Variants in NTSR1 observed in about 807,000 individuals in gnomAD.
The protein encoded by NTSR1 is neurotensin receptor 1.
NTSR1 carries 29 observed loss-of-function variants against 31.2 expected under a neutral mutation model. The ratio of observed to expected loss-of-function variants is 0.93; its 90% CI spans 0.69 to 1.27. NTSR1 has a LOEUF of 1.27. NTSR1 is among the 50% of genes most tolerant of loss of function. NTSR1 has a pLI of 0.00. For synonymous variants in NTSR1, 282 were observed against 269.9 expected (o/e 1.04, Z -0.44); for missense variants, 697 against 595.4 (o/e 1.17, Z -1.78).
At chr20:62,734,317 C>A (rs1276761353) in intron 1 of NTSR1, among the ~76,000 whole-genome samples, 1 of 148,724 alleles carries the variant, frequency 6.7e-6, no homozygotes, top group African/African-American at 2.5e-5. Flanking sequence ...AAAAAAAAAT[C>A]TTGGCTCAGC....
intron 1 of NTSR1, among the ~76,000 whole-genome samples, chr20:62,726,830 G>T (rs1032909505): frequency 1.6e-4 from 25 of 152,162 alleles, no homozygotes; most frequent in African/African-American, 5.8e-4. Context: ...CGCGTTAGTG[G>T]AGAAGGCTAC....
rs919967769 is a variant in NTSR1 at position 62,711,040 on chromosome 20, G to A, written c.714+1119G>A. On this transcript the variant is annotated intron_variant, in intron 1 of 3. Coordinates refer to ENST00000370501, the MANE Select transcript of NTSR1 (RefSeq NM_002531.3). This position sits in a 1 kb window ranked among gnomAD's most constrained non-coding sequence, Gnocchi z 6.4. Reference sequence around the variant, plus strand: ...TTGCCTGGGCACCCCGCGTATGCCAGTATGCCCGGTGGGGGTGAGGGCAGC... The same window carrying A: ...TTGCCTGGGCACCCCGCGTATGCCAATATGCCCGGTGGGGGTGAGGGCAGC... Among the ~76,000 whole-genome samples, 7 of 152,200 alleles carry A rather than the reference G, an allele frequency of 4.6e-5. No individual in the cohort carries two copies. Among genetic ancestry groups the A allele is most frequent in the African/African-American group, 1.4e-4 (6 of 41,458 alleles).
At chr20:62,728,731 AG>A (rs1988953477) in intron 1 of NTSR1, among the ~76,000 whole-genome samples, 1 of 152,162 alleles carries the variant, frequency 6.6e-6, no homozygotes, top group Admixed American at 6.5e-5. Flanking sequence ...CCGGAGGCCA[AG>A]CAGGTTTCAC....
chr20:62,714,625 CT>C lies in NTSR1; in HGVS notation c.714+4705del, dbSNP rs549261872. Among the ~76,000 whole-genome samples, 3 of 152,290 alleles carry C rather than the reference CT, an allele frequency of 2.0e-5. No individual in the cohort carries two copies. Among genetic ancestry groups the C allele is most frequent in the African/African-American group, 7.2e-5 (3 of 41,546 alleles). ...ATTGAATCTGAATCTCATGGAGCCC[CT>C]GATCCAACACACAGGACACACCAGG... On this transcript the variant is annotated intron_variant, in intron 1 of 3. Transcript: ENST00000370501. This position sits in a 1 kb window ranked among gnomAD's most constrained non-coding sequence, Gnocchi z 4.1.
chr20:62,734,454 A>G (rs1056298816), intron 1 of NTSR1, among the ~76,000 whole-genome samples: 1 of 152,196 alleles, frequency 6.6e-6, no homozygotes, highest in African/African-American at 2.4e-5. Context: ...GGTGGTTGAA[A>G]ATGAGTAACT....
chr20:62,712,510 C>T (rs1988635932), intron 1 of NTSR1, among the ~76,000 whole-genome samples: 1 of 152,214 alleles, frequency 6.6e-6, no homozygotes, highest in Non-Finnish European at 1.5e-5. Flanking sequence ...TACAATAATC[C>T]TCCCTGAAGC....
At chr20:62,728,117 G>A (rs1001781972) in intron 1 of NTSR1, among the ~76,000 whole-genome samples, 1 of 148,184 alleles carries the variant, frequency 6.7e-6, no homozygotes, top group Non-Finnish European at 1.5e-5. Flanking sequence ...TTGTGGATGA[G>A]GGGTGTGGAC....
intron 1 of NTSR1, among the ~76,000 whole-genome samples, chr20:62,740,477 G>T (rs1202154635): frequency 2.0e-5 from 3 of 152,160 alleles, no homozygotes; most frequent in South Asian, 2.1e-4. Context: ...GAGGGAAAAG[G>T]GTTGTGGGGC....
At chr20:62,709,952 CCT>C (rs1468103220) in intron 1 of NTSR1, 31 bp downstream of exon 1, 1 of 1,503,832 alleles carries the variant, frequency 6.6e-7, no homozygotes, top group Admixed American at 2.0e-5. Context: ...CCGGGGCTCC[CCT>C]CTCCTTCACC....
intron 1 of NTSR1, among the ~76,000 whole-genome samples, chr20:62,740,504 G>A (rs538189972): frequency 3.8e-4 from 58 of 152,304 alleles, no homozygotes; most frequent in African/African-American, 1.3e-3. Flanking sequence ...TTAGTCATAG[G>A]GTGAGCGGGA....
At chr20:62,756,079 C>G (rs770669494) in intron 2 of NTSR1, among the ~76,000 whole-genome samples, 8 of 151,926 alleles carry the variant, frequency 5.3e-5, no homozygotes, top group Non-Finnish European at 1.0e-4. Context: ...GGCATGGAGG[C>G]AGCAGAGGCA....
intron 1 of NTSR1, among the ~76,000 whole-genome samples, chr20:62,734,723 G>A (rs1009378582): frequency 2.0e-5 from 3 of 147,784 alleles, no homozygotes; most frequent in Non-Finnish European, 2.9e-5. Context: ...AATCCGCACC[G>A]GGTTTTAGAG....
intron 1 of NTSR1, among the ~76,000 whole-genome samples, chr20:62,739,780 T>C (rs1989169344): frequency 6.6e-6 from 1 of 152,264 alleles, no homozygotes; most frequent in African/African-American, 2.4e-5. Context: ...TATGTCTGCA[T>C]GGCAGAAAAG....
chr20:62,761,710 T>G lies in NTSR1; in HGVS notation c.*1443T>G, dbSNP rs944015882. ...AGGACCCGGACACCTGGTCTTGGGC[T>G]GTGTTCAGCCACTTTGCCTTCTCTG... On this transcript the variant is annotated 3_prime_UTR_variant, in exon 4 of 4. Coordinates refer to ENST00000370501, the MANE Select transcript of NTSR1 (RefSeq NM_002531.3). 1 of 152,238 alleles carries G rather than the reference T, an allele frequency of 6.6e-6. No homozygotes were observed. The highest frequency in any genetic ancestry group is 2.4e-5 in the African/African-American group (1 of 41,460). The allele number at this position is 152,238 out of a possible 1,614,324, so 9.4% of individuals were successfully genotyped here.
chr20:62,759,087 G>C (rs1989564639), intron 3 of NTSR1, among the ~76,000 whole-genome samples: 1 of 152,204 alleles, frequency 6.6e-6, no homozygotes. Context: ...GGGCCCACTT[G>C]TGAACCCTTT....
intron 1 of NTSR1, among the ~76,000 whole-genome samples, chr20:62,713,822 G>A (rs909446307): frequency 3.9e-5 from 6 of 152,226 alleles, no homozygotes; most frequent in African/African-American, 7.2e-5. Flanking sequence ...GCAGAAGGCC[G>A]GGCGTGGTGG....
chr20:62,708,874 T>C lies in NTSR1; in HGVS notation c.-334T>C. On this transcript the variant is annotated 5_prime_UTR_variant, in exon 1 of 4. Transcript: ENST00000370501. This position sits in a 1 kb window ranked among gnomAD's most constrained non-coding sequence, Gnocchi z 5.9. ...GCGCAGCCCGAGCCGGGCTGGGCGC[T>C]GTCCTCGGGGGCCTGGGGAACCGCG... 1 of 282,074 alleles carries C rather than the reference T, an allele frequency of 3.5e-6. No homozygotes were observed. The highest frequency in any genetic ancestry group is 6.5e-5 in the East Asian group (1 of 15,448). 17.5% of individuals were successfully genotyped at this position (282,074 alleles called of 1,614,324 possible).
At chr20:62,735,807 C>A (rs1479297034) in intron 1 of NTSR1, among the ~76,000 whole-genome samples, 2 of 152,166 alleles carry the variant, frequency 1.3e-5, no homozygotes, top group Non-Finnish European at 2.9e-5. Flanking sequence ...GGGTCTTCCC[C>A]GCTGTGACCT....
Position 62,709,551 on chromosome 20 carries a change from C to T in NTSR1, c.344C>T (p.Thr115Ile), listed in dbSNP as rs766063233. 1 of 1,612,122 alleles carries T rather than the reference C, an allele frequency of 6.2e-7. No individual in the cohort carries two copies. The highest frequency in any genetic ancestry group is 1.1e-5 in the South Asian group (1 of 91,088). ...AGCCTGGCGCTGTCCGACCTGCTCA[C>T]CCTGCTGCTGGCCATGCCCGTGGAG... ...LGSLALSDLL[T>I]LLLAMPVELY... The change falls in exon 1 of 4, where the codon ACC (threonine) becomes ATC (isoleucine). Residue 115 changes from threonine (T) to isoleucine (I), a missense_variant. By Grantham distance (89) the Thr-to-Ile change is moderately conservative. Coordinates refer to ENST00000370501, the MANE Select transcript of NTSR1 (RefSeq NM_002531.3).
Sources: gnomAD v4.1 joint callset for allele counts (sites outside exome capture counted in the v4.1 genomes callset) on GRCh38, gnomAD v4.1.1 for gene constraint, Gnocchi (gnomAD v3.1) non-coding constraint, MANE v1.5 for transcripts, NCBI Gene and HGNC (gene_info 2026-07-23, HGNC 2026-07-21) for gene names.